The following RANBP17 variants were observed in gnomAD, a reference collection of about 807,000 sequenced individuals.
The protein encoded by RANBP17 is ran-binding protein 17.
A neutral mutation model predicts 141.2 loss-of-function variants in RANBP17; 158 were observed. The ratio of observed to expected loss-of-function variants is 1.12; its 90% CI spans 0.98 to 1.28. The LOEUF (loss-of-function observed/expected upper bound fraction) is 1.28, where lower values mean the gene tolerates loss of function less well. RANBP17 is among the 50% of genes most tolerant of loss of function. RANBP17 has a pLI of 0.00. For synonymous variants in RANBP17, 430 were observed against 450.0 expected (o/e 0.96, Z 0.56); for missense variants, 1,438 against 1,290.7 (o/e 1.11, Z -1.75).
chr5:171,260,867 T>C (rs1457668187), intron 24 of RANBP17, among the ~76,000 whole-genome samples: 1 of 151,646 alleles, frequency 6.6e-6, no homozygotes, highest in Non-Finnish European at 1.5e-5. Context: ...CAAGGAAAGG[T>C]AAGAGCAAGC....
intron 4 of RANBP17, 47 bp from the exon 5 acceptor site, chr5:170,896,003 C>A: frequency 1.7e-6 from 2 of 1,175,244 alleles, no homozygotes; most frequent in Non-Finnish European, 1.2e-6. Context: ...CATTAAGAAC[C>A]AATCACTTGT....
chr5:171,250,530 A>C (rs1205819249), intron 24 of RANBP17, among the ~76,000 whole-genome samples: 2 of 152,240 alleles, frequency 1.3e-5, no homozygotes, highest in Non-Finnish European at 2.9e-5. Context: ...TCCAGTTAAA[A>C]AGATATAGAA....
intron 14 of RANBP17, among the ~76,000 whole-genome samples, chr5:171,020,962 G>A (rs894528012): frequency 3.9e-5 from 6 of 152,136 alleles, no homozygotes; most frequent in African/African-American, 1.2e-4. Context: ...TTGTAAGGCA[G>A]GCCTGGTGGT....
At chr5:171,049,528 T>TCATGAAATCTTTGC (rs1782820216) in intron 14 of RANBP17, among the ~76,000 whole-genome samples, 9 of 152,216 alleles carry the variant, frequency 5.9e-5, no homozygotes, top group Admixed American at 5.2e-4. Context: ...GATATCTTTG[T>TCATGAAATCTTTGC]CATGAAATCT....
chr5:171,265,918 C>T, intron 25 of RANBP17, 71 bp downstream of exon 25: 1 of 1,390,092 alleles, frequency 7.2e-7, no homozygotes, highest in Non-Finnish European at 9.9e-7. Context: ...CCGAATTTAT[C>T]TTAGAGCAGC....
At chr5:170,892,864 A>G (rs1473128589) in intron 4 of RANBP17, among the ~76,000 whole-genome samples, 2 of 152,230 alleles carry the variant, frequency 1.3e-5, no homozygotes, top group Non-Finnish European at 2.9e-5. Flanking sequence ...AGATTATGTA[A>G]TTAAATGTTC....
At chr5:170,901,794 G>A (rs560811334) in intron 5 of RANBP17, among the ~76,000 whole-genome samples, 1 of 152,296 alleles carries the variant, frequency 6.6e-6, no homozygotes, top group South Asian at 2.1e-4. Context: ...TAGTTTGGGT[G>A]GATATGAAAT....
intron 14 of RANBP17, among the ~76,000 whole-genome samples, chr5:171,089,868 T>C (rs994508473): frequency 6.6e-6 from 1 of 152,174 alleles, no homozygotes; most frequent in African/African-American, 2.4e-5. Flanking sequence ...TGGCACTCCC[T>C]AGTGAGATGC....
In RANBP17 at chr5:170,914,258, G is replaced by A. The variant is rs372960305; in HGVS notation, c.834+18G>A. On this transcript the variant is annotated intron_variant, in intron 8 of 27. Coordinates refer to ENST00000523189, the MANE Select transcript of RANBP17 (RefSeq NM_022897.5). ...CTCAGTTAGTAAGTAAAAGTCATTC[G>A]TTATTTCGTTAAAAAATACCTGTGT... 9.5e-5 allele frequency: 143 copies of A among 1,500,988 alleles called. 2 individuals are homozygous for A. In the South Asian group the frequency reaches 1.0e-3, roughly 11 times the overall value. 93.0% of individuals were successfully genotyped at this position (1,500,988 alleles called of 1,614,324 possible).
chr5:171,123,641 C>T (rs925180248), intron 14 of RANBP17, among the ~76,000 whole-genome samples: 5 of 152,340 alleles, frequency 3.3e-5, no homozygotes, highest in East Asian at 3.9e-4. Context: ...CAAGGACTGG[C>T]GAACATGGCC....
chr5:170,997,805 G>A (rs796877274), intron 14 of RANBP17, among the ~76,000 whole-genome samples: 5 of 152,210 alleles, frequency 3.3e-5, no homozygotes, highest in African/African-American at 1.2e-4. Flanking sequence ...GATCTCAACT[G>A]TATGACAATA....
intron 14 of RANBP17, among the ~76,000 whole-genome samples, chr5:171,116,939 T>C (rs1755675196): frequency 6.6e-6 from 1 of 152,238 alleles, no homozygotes; most frequent in African/African-American, 2.4e-5. Context: ...TTTGGGCTTA[T>C]TCCACTTAAC....
intron 24 of RANBP17, among the ~76,000 whole-genome samples, chr5:171,261,103 C>CAAAAA (rs769751807): frequency 1.8e-5 from 1 of 54,906 alleles, no homozygotes; most frequent in African/African-American, 6.9e-5. Context: ...AAAAAAAAAC[C>CAAAAA]AAAAGAAAAA....
chr5:171,242,617 C>T (rs1268415482), intron 23 of RANBP17, 65 bp from the exon 24 acceptor site: 1 of 1,527,382 alleles, frequency 6.5e-7, no homozygotes, highest in African/African-American at 1.4e-5. Flanking sequence ...TGACAATTTT[C>T]ACTGGACTGT....
intron 24 of RANBP17, among the ~76,000 whole-genome samples, chr5:171,251,584 C>CACA (rs1292233938): frequency 6.8e-6 from 1 of 147,912 alleles, no homozygotes; most frequent in Non-Finnish European, 1.5e-5. Context: ...AGAATGGAAA[C>CACA]ACAACATACC....
chr5:171,189,626 CA>C (rs1442140776), intron 18 of RANBP17, among the ~76,000 whole-genome samples: 1 of 152,198 alleles, frequency 6.6e-6, no homozygotes, highest in Non-Finnish European at 1.5e-5. Context: ...TCTCCCAAGA[CA>C]AAACAAATCA....
intron 1 of RANBP17, among the ~76,000 whole-genome samples, chr5:170,870,861 T>G (rs1325388739): frequency 6.6e-6 from 1 of 152,226 alleles, no homozygotes; most frequent in Non-Finnish European, 1.5e-5. Context: ...TTTCTATTTC[T>G]CCACAGCTTG....
At chr5:170,932,198 G>T (rs1773447835) in intron 12 of RANBP17, among the ~76,000 whole-genome samples, 2 of 151,320 alleles carry the variant, frequency 1.3e-5, no homozygotes. Context: ...TCATGATTTG[G>T]CTATCTGTTT....
At chr5:170,939,223 C>A (rs1774127502) in intron 12 of RANBP17, among the ~76,000 whole-genome samples, 1 of 151,984 alleles carries the variant, frequency 6.6e-6, no homozygotes, top group African/African-American at 2.4e-5. Context: ...CAAGTGAAAG[C>A]AGAACGTTTT....
Sources: gnomAD v4.1 joint callset for allele counts (sites outside exome capture counted in the v4.1 genomes callset) on GRCh38, gnomAD v4.1.1 for gene constraint, MANE v1.5 for transcripts, NCBI Gene and HGNC (gene_info 2026-07-23, HGNC 2026-07-21) for gene names.